The following SEMA6D variants were observed in gnomAD, a reference collection of about 807,000 sequenced individuals.
The protein encoded by SEMA6D is semaphorin 6D.
SEMA6D carries 35 observed loss-of-function variants against 106.6 expected under a neutral mutation model. The ratio of observed to expected loss-of-function variants is 0.33; its 90% confidence interval spans 0.25 to 0.44. The LOEUF (loss-of-function observed/expected upper bound fraction) is 0.44, where lower values mean the gene tolerates loss of function less well. Ranked by LOEUF, SEMA6D falls within the 20% of genes least tolerant of loss-of-function variation. The pLI is 1.00. For missense variants in SEMA6D, 1,185 were observed against 1,345.9 expected, an observed-to-expected ratio of 0.88 and a Z score of 1.87; for synonymous variants, 499 against 487.7, an observed-to-expected ratio of 1.02 and a Z score of -0.31.
chr15:47,315,405 A>G (rs2036625006), intron 1 of SEMA6D, among the ~76,000 whole-genome samples: 1 of 152,054 alleles, frequency 6.6e-6, no homozygotes, highest in South Asian at 2.1e-4. Flanking sequence ...AGCTGACTAC[A>G]TTTACGGGGG....
chr15:47,770,410 G>A, intron 18 of SEMA6D, 87 bp from the exon 19 acceptor site: 1 of 1,109,472 alleles, frequency 9.0e-7, no homozygotes, highest in Non-Finnish European at 1.3e-6. Context: ...CCATATGAAG[G>A]TCGTGTTGGC....
intron 1 of SEMA6D, among the ~76,000 whole-genome samples, chr15:47,345,470 C>T (rs2038008208): frequency 1.3e-5 from 2 of 151,702 alleles, no homozygotes. Context: ...CAGTTTTTTT[C>T]AACAAATGGT....
At chr15:47,565,959 T>C (rs1011960941) in intron 3 of SEMA6D, among the ~76,000 whole-genome samples, 2 of 152,210 alleles carry the variant, frequency 1.3e-5, no homozygotes, top group Non-Finnish European at 2.9e-5. Context: ...TTAAATATTT[T>C]TTAAACATCG....
intron 1 of SEMA6D, among the ~76,000 whole-genome samples, chr15:47,731,338 A>C (rs946268513): frequency 1.3e-4 from 19 of 150,742 alleles, no homozygotes; most frequent in African/African-American, 4.4e-4. Context: ...TTGAACACAT[A>C]GAACTGAGAA....
At chr15:47,355,620 T>G (rs1422707633) in intron 1 of SEMA6D, among the ~76,000 whole-genome samples, 1 of 152,206 alleles carries the variant, frequency 6.6e-6, no homozygotes, top group African/African-American at 2.4e-5. Flanking sequence ...TCCTGTAACC[T>G]TCCTATCCAT....
intron 1 of SEMA6D, among the ~76,000 whole-genome samples, chr15:47,368,394 C>T (rs1171498773): frequency 6.6e-6 from 1 of 152,238 alleles, no homozygotes; most frequent in East Asian, 1.9e-4. Flanking sequence ...CACATACCCA[C>T]TCCACACAAT....
intron 4 of SEMA6D, among the ~76,000 whole-genome samples, chr15:47,648,178 TATG>T (rs1272552087): frequency 6.6e-6 from 1 of 152,186 alleles, no homozygotes; most frequent in Non-Finnish European, 1.5e-5. Flanking sequence ...ATCATTTTGC[TATG>T]ATGTTGAGAA....
chr15:47,768,765 G>C lies in SEMA6D; in HGVS notation c.1933+17G>C, dbSNP rs1391506150. 1 of 1,605,354 alleles carries C rather than the reference G, an allele frequency of 6.2e-7. No individual in the cohort carries two copies. Among genetic ancestry groups the C allele is most frequent in the Non-Finnish European group, 8.5e-7 (1 of 1,174,866 alleles). On this transcript the variant is annotated intron_variant, in intron 18 of 18. Transcript: ENST00000536845. ...TCCCAAAGGGTAAGGCCTCAGCAGG[G>C]ACCTCATCTCTAACTGCGTGGAAAC...
chr15:47,738,106 G>A (rs1397129308), intron 1 of SEMA6D, among the ~76,000 whole-genome samples: 1 of 151,500 alleles, frequency 6.6e-6, no homozygotes, highest in Non-Finnish European at 1.5e-5. Context: ...ATGTGCCATG[G>A]TGGTTTGCTG....
chr15:47,670,995 G>T (rs527435932), intron 4 of SEMA6D, among the ~76,000 whole-genome samples: 1 of 152,030 alleles, frequency 6.6e-6, no homozygotes, highest in Non-Finnish European at 1.5e-5. Context: ...AGATATTTTC[G>T]TAATAGAATA....
chr15:47,495,213 G>A (rs775028216), intron 3 of SEMA6D, among the ~76,000 whole-genome samples: 3 of 151,954 alleles, frequency 2.0e-5, no homozygotes, highest in East Asian at 1.9e-4. Flanking sequence ...AATAATTTGT[G>A]CAACTGTGTA....
intron 1 of SEMA6D, among the ~76,000 whole-genome samples, chr15:47,733,618 C>G (rs758206703): frequency 6.6e-6 from 1 of 152,080 alleles, no homozygotes; most frequent in Non-Finnish European, 1.5e-5. Flanking sequence ...CCAGAGAGTC[C>G]GGGGTTCAAA....
At chr15:47,241,255 C>A (rs1361515357) in intron 1 of SEMA6D, 1 of 152,104 alleles carries the variant, frequency 6.6e-6, no homozygotes, top group Non-Finnish European at 1.5e-5. Context: ...ACTGTAAGAA[C>A]CACGGAGTGT....
At position 47,533,492 on chromosome 15, in the gene SEMA6D, T is replaced by C. The variant is rs117677215; in HGVS notation, c.-87+62947T>C. On this transcript the variant is annotated intron_variant, in intron 3 of 19. Coordinates refer to the SEMA6D transcript ENST00000558014. Reference sequence around the variant, plus strand: ...AATAGTCAGCAGAAAGTGTTTTCATTCGGTCATTTTCTTTAAAGTTCAAAA... The same window carrying C: ...AATAGTCAGCAGAAAGTGTTTTCATCCGGTCATTTTCTTTAAAGTTCAAAA... Among the ~76,000 whole-genome samples, 1,489 of 152,324 alleles carry C rather than the reference T, an allele frequency of 9.8e-3. 9 individuals are homozygous for C. Among genetic ancestry groups the C allele is most frequent in the Admixed American group, 0.021 (315 of 15,302 alleles).
Position 47,277,048 on chromosome 15 carries a change from C to A in SEMA6D, c.-239+92630C>A, listed in dbSNP as rs532851533. 1.2e-4 allele frequency among the ~76,000 whole-genome samples: 19 copies of A among 152,180 alleles called. No homozygotes were observed. In the East Asian group the frequency reaches 3.7e-3, roughly 29 times the overall value. Reference sequence around the variant, plus strand: ...AGATGTGGTGGATATAGCAATAGAACTAGAATTATTAATAGACATGAAGCC... The same window carrying A: ...AGATGTGGTGGATATAGCAATAGAAATAGAATTATTAATAGACATGAAGCC... On this transcript the variant is annotated intron_variant, in intron 1 of 19. Coordinates refer to the SEMA6D transcript ENST00000558014.
At chr15:47,679,974 T>A (rs1221613205) in intron 4 of SEMA6D, among the ~76,000 whole-genome samples, 3 of 152,146 alleles carry the variant, frequency 2.0e-5, no homozygotes, top group African/African-American at 7.2e-5. Flanking sequence ...ATTTCCATGC[T>A]AAGGGTTAAG....
intron 4 of SEMA6D, among the ~76,000 whole-genome samples, chr15:47,679,717 G>A (rs1369880323): frequency 1.3e-5 from 2 of 152,136 alleles, no homozygotes; most frequent in Non-Finnish European, 2.9e-5. Context: ...AAATTTTGCA[G>A]TGTTGAGACA....
chr15:47,270,660 G>A (rs533080759), intron 1 of SEMA6D, among the ~76,000 whole-genome samples: 1 of 152,192 alleles, frequency 6.6e-6, no homozygotes, highest in East Asian at 1.9e-4. Context: ...AAACTATTTA[G>A]CAATTCATCT....
At chr15:47,716,768 A>G (rs556978343), upstream of SEMA6D, among the ~76,000 whole-genome samples, 20 of 152,178 alleles carry the variant, frequency 1.3e-4, no homozygotes, top group Non-Finnish European at 2.9e-5. Context: ...TGCCTGTAAA[A>G]CCGGGTCATT....
Sources: gnomAD v4.1 joint callset for allele counts (sites outside exome capture counted in the v4.1 genomes callset) on GRCh38, gnomAD v4.1.1 for gene constraint, MANE v1.5 for transcripts, NCBI Gene and HGNC (gene_info 2026-07-23, HGNC 2026-07-21) for gene names.